Variants in PCDH11X observed in about 807,000 individuals in gnomAD.
PCDH11X encodes protocadherin 11 X-linked.
A neutral mutation model predicts 53.3 loss-of-function variants in PCDH11X; 18 were observed. That is an observed-to-expected ratio of 0.34 (90% CI 0.23 to 0.50). The LOEUF (loss-of-function observed/expected upper bound fraction) is 0.50. Ranked by LOEUF, PCDH11X falls within the 20% of genes least tolerant of loss-of-function variation. PCDH11X has a pLI of 0.98. For synonymous variants in PCDH11X, 279 were observed against 393.3 expected, an observed-to-expected ratio of 0.71 and a Z score of 3.44; for missense variants, 570 against 1,032.4, an observed-to-expected ratio of 0.55 and a Z score of 6.14.
At chrX:92,401,106 C>CA (rs983264774) in intron 9 of PCDH11X, among the ~76,000 whole-genome samples, 4 of 107,676 alleles carry the variant, frequency 3.7e-5, no homozygotes, top group African/African-American at 1.4e-4. Flanking sequence ...TCACATCTTA[C>CA]AATAGCACCA....
At chrX:92,199,244 A>C (rs935624999) in intron 6 of PCDH11X, among the ~76,000 whole-genome samples, 1 of 112,012 alleles carries the variant, frequency 8.9e-6, no homozygotes, top group Non-Finnish European at 1.9e-5. Context: ...CAATAATGCC[A>C]GTGACATTTC....
At chrX:92,379,781 G>T in intron 8 of PCDH11X, among the ~76,000 whole-genome samples, 1 of 110,763 alleles carries the variant, frequency 9.0e-6, no homozygotes, top group African/African-American at 3.3e-5. Context: ...TTGGACAAAC[G>T]ACAGATGACC....
At chrX:92,354,126 C>T (rs2070131023) in intron 8 of PCDH11X, among the ~76,000 whole-genome samples, 1 of 96,155 alleles carries the variant, frequency 1.0e-5, no homozygotes, top group Admixed American at 1.2e-4. Flanking sequence ...CACTCCTAGA[C>T]ATTGCCTGTA....
intron 6 of PCDH11X, among the ~76,000 whole-genome samples, chrX:91,989,774 TA>T (rs1251645399): frequency 7.3e-5 from 8 of 110,122 alleles, no homozygotes; most frequent in African/African-American, 2.6e-4. Flanking sequence ...AAAATAGATT[TA>T]ACTGTATTCA....
intron 4 of PCDH11X, among the ~76,000 whole-genome samples, chrX:91,834,432 G>C (rs1278979223): frequency 9.2e-6 from 1 of 108,512 alleles, no homozygotes; most frequent in Non-Finnish European, 1.9e-5. Context: ...ACTCGGTACT[G>C]TTTTTAAATG....
At chrX:91,813,035 T>A (rs1438312131) in intron 4 of PCDH11X, among the ~76,000 whole-genome samples, 1 of 111,245 alleles carries the variant, frequency 9.0e-6, no homozygotes, top group Non-Finnish European at 1.9e-5. Context: ...TTAAGAGAAC[T>A]TGAGATAGTA....
intron 6 of PCDH11X, among the ~76,000 whole-genome samples, chrX:92,154,118 G>A (rs1272724160): frequency 3.6e-5 from 4 of 109,996 alleles, no homozygotes; most frequent in Non-Finnish European, 7.6e-5. Flanking sequence ...CTGCTGTGAT[G>A]AGGTGTGTAT....
intron 7 of PCDH11X, among the ~76,000 whole-genome samples, chrX:92,252,409 G>A (rs759626855): frequency 3.4e-4 from 34 of 100,175 alleles, no homozygotes; most frequent in Middle Eastern, 1.0e-2. Flanking sequence ...GCATGTGTGC[G>A]CACATGCATA....
chrX:92,589,048 C>CCAA (rs767546832), intron 10 of PCDH11X, among the ~76,000 whole-genome samples: 159 of 111,152 alleles, frequency 1.4e-3, no homozygotes, highest in African/African-American at 5.0e-3. Flanking sequence ...AACAAAACAA[C>CCAA]CAACAACAAC....
chrX:91,890,060 G>A (rs1245544636), intron 6 of PCDH11X, among the ~76,000 whole-genome samples: 4 of 102,767 alleles, frequency 3.9e-5, no homozygotes, highest in Non-Finnish European at 7.9e-5. Flanking sequence ...TGAGCTGAAA[G>A]ATAGATGTCT....
At chrX:92,099,027 G>T (rs1448034252) in intron 6 of PCDH11X, among the ~76,000 whole-genome samples, 4 of 111,723 alleles carry the variant, frequency 3.6e-5, no homozygotes, top group Admixed American at 1.9e-4. Flanking sequence ...ATGCCATACT[G>T]GCCACATCAA....
chrX:91,914,091 T>A (rs1941477247), intron 6 of PCDH11X, among the ~76,000 whole-genome samples: 1 of 111,614 alleles, frequency 9.0e-6, no homozygotes, highest in Non-Finnish European at 1.9e-5. Flanking sequence ...TTTGCAGACA[T>A]CCTGCAGCAT....
intron 10 of PCDH11X, among the ~76,000 whole-genome samples, chrX:92,539,350 T>C (rs1008338571): frequency 4.5e-5 from 5 of 112,046 alleles, no homozygotes; most frequent in African/African-American, 1.6e-4. Context: ...AAATCTTTTC[T>C]TCTCCTTGAT....
chrX:92,469,186 T>C (rs1471085244), intron 10 of PCDH11X, among the ~76,000 whole-genome samples: 5 of 103,337 alleles, frequency 4.8e-5, no homozygotes, highest in African/African-American at 1.1e-4. Context: ...CTGAAATCCG[T>C]CATAAACCTG....
chrX:92,274,907 C>A (rs2068048166), intron 8 of PCDH11X, among the ~76,000 whole-genome samples: 1 of 109,619 alleles, frequency 9.1e-6, no homozygotes, highest in African/African-American at 3.3e-5. Flanking sequence ...CAGAGAGATA[C>A]AGTCATGGGG....
At chrX:92,018,584 G>T (rs1008561132) in intron 6 of PCDH11X, among the ~76,000 whole-genome samples, 18 of 112,211 alleles carry the variant, frequency 1.6e-4, no homozygotes, top group Non-Finnish European at 3.4e-4. Flanking sequence ...AATGGCATTT[G>T]TCTAAATATG....
At chrX:92,159,738 T>A (rs2065603676) in intron 6 of PCDH11X, among the ~76,000 whole-genome samples, 1 of 96,494 alleles carries the variant, frequency 1.0e-5, no homozygotes, top group African/African-American at 3.7e-5. Context: ...TAAAACAGAA[T>A]GAGTGCTGAA....
rs749406820 is a variant in PCDH11X, at chrX:92,021,458, A to G, written c.3033+142185A>G. Reference sequence around the variant, plus strand: ...GATCTTGCTGATATAAGATATGCAGAGAAGATTAGAAAATAAATAAAGAAA... The same window carrying G: ...GATCTTGCTGATATAAGATATGCAGGGAAGATTAGAAAATAAATAAAGAAA... On this transcript the variant is annotated intron_variant, in intron 6 of 10. Coordinates refer to ENST00000682573, the MANE Select transcript of PCDH11X (RefSeq NM_032968.5). Among the ~76,000 whole-genome samples the G allele has an allele frequency of 6.4e-5, 7 of 109,875 alleles. No individual in the cohort carries two copies. In the South Asian group the frequency reaches 2.8e-3, roughly 44 times the overall value.
chrX:91,844,892 T>C (rs1937596883), intron 5 of PCDH11X, among the ~76,000 whole-genome samples: 1 of 109,300 alleles, frequency 9.1e-6, no homozygotes, highest in Non-Finnish European at 1.9e-5. Flanking sequence ...CTGTCAGTAA[T>C]GCAAATAACA....
Sources: allele counts gnomAD v4.1 joint callset (sites outside exome capture counted in the v4.1 genomes callset), GRCh38; gene constraint gnomAD v4.1.1; transcripts MANE v1.5; gene names NCBI Gene and HGNC (gene_info 2026-07-23, HGNC 2026-07-21).